CD58: variants seen among roughly 807,000 people sequenced by gnomAD.
CD58 encodes the protein lymphocyte function-associated antigen 3.
In CD58, 14 loss-of-function variants were observed where a neutral mutation model predicts 27.6. The ratio of observed to expected loss-of-function variants is 0.51; its 90% CI spans 0.34 to 0.79. The LOEUF is 0.79. Among genes scored for constraint, CD58 ranks in the 30% least tolerant of loss-of-function variants. CD58 has a pLI of 0.02. For missense variants in CD58, 268 were observed against 301.7 expected (o/e 0.89, Z 0.83); for synonymous variants, 117 against 103.8 (o/e 1.13, Z -0.77).
At position 116,571,007 on chromosome 1, in the gene CD58, C is replaced by T. The variant is rs768609169; in HGVS notation, c.-35G>A. On this transcript the variant is annotated 5_prime_UTR_variant, in exon 1 of 6. Transcript: ENST00000369489. ...GGCCGGCCTCTGCGCGAGTGCCCAG[C>T]CACAAGCAGCCCTAAGTTCAAGCAC... 2 of 1,516,398 alleles carry T rather than the reference C, an allele frequency of 1.3e-6. No homozygotes were observed. Among genetic ancestry groups the T allele is most frequent in the African/African-American group, 1.4e-5 (1 of 71,498 alleles). 93.9% of individuals were successfully genotyped at this position (1,516,398 alleles called of 1,614,324 possible).
At chr1:116,548,638 A>G (rs1658278004) in intron 1 of CD58, among the ~76,000 whole-genome samples, 2 of 152,176 alleles carry the variant, frequency 1.3e-5, no homozygotes, top group South Asian at 4.1e-4. Context: ...GTAGGCTATT[A>G]GCAGTTAAGT....
intron 1 of CD58, among the ~76,000 whole-genome samples, chr1:116,551,784 G>C (rs145424333): frequency 7.2e-6 from 1 of 138,372 alleles, no homozygotes; most frequent in Non-Finnish European, 1.5e-5. Flanking sequence ...TTGTAGCCCA[G>C]ACTGGAGTGC....
Position 116,532,946 on chromosome 1 carries a change from T to C in CD58, c.628+3019A>G. ...GCCCACCTCCACTTCCTACTGCTGCTTGCATTCCGCCGGCTGGCTGGGTTC... is the reference window on the plus strand; with the variant it reads ...GCCCACCTCCACTTCCTACTGCTGCCTGCATTCCGCCGGCTGGCTGGGTTC... On this transcript the variant is annotated intron_variant, in intron 3 of 5. Coordinates refer to ENST00000369489, the MANE Select transcript of CD58 (RefSeq NM_001779.3). The surrounding 1 kb of genome is among the most constrained non-coding windows in gnomAD (Gnocchi z 5.1). 1 of 1,070,608 alleles carries C rather than the reference T, an allele frequency of 9.3e-7. No homozygotes were observed. The highest frequency in any genetic ancestry group is 1.6e-5 in the African/African-American group (1 of 63,904). 66.3% of individuals were successfully genotyped at this position (1,070,608 alleles called of 1,614,324 possible).
At position 116,522,498 on chromosome 1, in the gene CD58, G is replaced by A. The variant is rs1206241105; in HGVS notation, c.629-515C>T. Among the ~76,000 whole-genome samples the A allele has an allele frequency of 6.6e-6, 1 of 152,122 alleles. No homozygotes were observed. The highest frequency in any genetic ancestry group is 2.4e-5 in the African/African-American group (1 of 41,406). ...ATATATTAAGGTTTATTTAAACAGA[G>A]ACACACATAAAACAAGGTTATAAAC... On this transcript the variant is annotated intron_variant, in intron 3 of 5. Transcript: ENST00000369489. This position sits in a 1 kb window ranked among gnomAD's most constrained non-coding sequence, Gnocchi z 4.6.
intron 1 of CD58, among the ~76,000 whole-genome samples, chr1:116,568,055 C>CAAAAAAAA (rs34531651): frequency 3.7e-5 from 3 of 81,700 alleles, no homozygotes; most frequent in Non-Finnish European, 5.0e-5. Context: ...CTTAAAGTAC[C>CAAAAAAAA]AAAAAAAAAA....
chr1:116,561,019 A>G (rs1658733039), intron 1 of CD58, among the ~76,000 whole-genome samples: 1 of 152,242 alleles, frequency 6.6e-6, no homozygotes, highest in African/African-American at 2.4e-5. Flanking sequence ...ACTTGTGCAG[A>G]AACAGCATGA....
At position 116,514,764 on chromosome 1, in the gene CD58, GT is replaced by G; in HGVS notation, c.*48del. On this transcript the variant is annotated 3_prime_UTR_variant, in exon 6 of 6. Transcript: ENST00000369489. ...AAATGAGAAATCAGATGGCTTTTTA[GT>G]TTTTAAAATAATTTAGTTATGCTGT... The G allele has an allele frequency of 7.7e-7, 1 of 1,291,612 alleles. No homozygotes were observed. The highest frequency in any genetic ancestry group is 1.1e-6 in the Non-Finnish European group (1 of 909,078). 80.0% of individuals were successfully genotyped at this position (1,291,612 alleles called of 1,614,324 possible). A position where few individuals can be genotyped will look rare whatever the true frequency, so the allele number is the denominator to read the frequency against.
In CD58 at chr1:116,550,638, T is replaced by A. The variant is rs886206764; in HGVS notation, c.71-6034A>T. Reference sequence around the variant, plus strand: ...TTGGAATCAAATTCTTCCAAACTCCTGTTAATGTTGATATTTTGATCTTCT... The same window carrying A: ...TTGGAATCAAATTCTTCCAAACTCCAGTTAATGTTGATATTTTGATCTTCT... On this transcript the variant is annotated intron_variant, in intron 1 of 5. Transcript: ENST00000369489. The surrounding 1 kb of genome is among the most constrained non-coding windows in gnomAD (Gnocchi z 4.2). Among the ~76,000 whole-genome samples the A allele has an allele frequency of 1.4e-4, 22 of 152,208 alleles. No homozygotes were observed. Among genetic ancestry groups the A allele is most frequent in the African/African-American group, 5.3e-4 (22 of 41,444 alleles).
chr1:116,529,405 C>G (rs1657526539), intron 3 of CD58, among the ~76,000 whole-genome samples: 1 of 152,218 alleles, frequency 6.6e-6, no homozygotes, highest in Non-Finnish European at 1.5e-5. Flanking sequence ...TTCCATCTCC[C>G]AATGCCTTGG....
In CD58 at chr1:116,515,893, T is replaced by C. The variant is rs554332139; in HGVS notation, c.744-1071A>G. ...CAGATGTCTGCTATCTACTCATCTGTCCTCTGTTGTTCCTAATTGGGTTTA... is the reference window on the plus strand; with the variant it reads ...CAGATGTCTGCTATCTACTCATCTGCCCTCTGTTGTTCCTAATTGGGTTTA... On this transcript the variant is annotated intron_variant, in intron 5 of 5. Coordinates refer to ENST00000369489, the MANE Select transcript of CD58 (RefSeq NM_001779.3). This position sits in a 1 kb window ranked among gnomAD's most constrained non-coding sequence, Gnocchi z 4.6. 6.6e-6 allele frequency among the ~76,000 whole-genome samples: 1 copy of C among 152,260 alleles called. No homozygotes were observed. Among genetic ancestry groups the C allele is most frequent in the African/African-American group, 2.4e-5 (1 of 41,540 alleles).
rs554013692 is a variant in CD58 at position 116,563,359 on chromosome 1, C to T, written c.70+7544G>A. Reference sequence around the variant, plus strand: ...TTTCCAGGTACACGGTGCAAGCTCTCGGTGGATCTACCATTCCGGGGTCTG... The same window carrying T: ...TTTCCAGGTACACGGTGCAAGCTCTTGGTGGATCTACCATTCCGGGGTCTG... On this transcript the variant is annotated intron_variant, in intron 1 of 5. Coordinates refer to ENST00000369489, the MANE Select transcript of CD58 (RefSeq NM_001779.3). This position sits in a 1 kb window ranked among gnomAD's most constrained non-coding sequence, Gnocchi z 4.1. Among the ~76,000 whole-genome samples the T allele has an allele frequency of 2.0e-5, 3 of 152,130 alleles. No homozygotes were observed. Among genetic ancestry groups the T allele is most frequent in the South Asian group, 2.1e-4 (1 of 4,796 alleles).
chr1:116,548,853 T>TATA (rs1355550961), intron 1 of CD58, among the ~76,000 whole-genome samples: 7 of 152,236 alleles, frequency 4.6e-5, no homozygotes, highest in Non-Finnish European at 2.9e-5. Flanking sequence ...TACTCTCTGC[T>TATA]GGTTATATGT....
In CD58 at chr1:116,516,946, C is replaced by G. The variant is rs1470902385; in HGVS notation, c.744-2124G>C. Among the ~76,000 whole-genome samples the G allele has an allele frequency of 6.6e-6, 1 of 152,176 alleles. No individual in the cohort carries two copies. The highest frequency in any genetic ancestry group is 1.5e-5 in the Non-Finnish European group (1 of 68,026). On this transcript the variant is annotated intron_variant, in intron 5 of 5. Coordinates refer to ENST00000369489, the MANE Select transcript of CD58 (RefSeq NM_001779.3). The surrounding 1 kb of genome is among the most constrained non-coding windows in gnomAD (Gnocchi z 6.1). Reference sequence around the variant, plus strand: ...TAGCCTCGCTGGGTACTCTGACCCCCACCCTATCAGCTAGCACAGTGCCTG... The same window carrying G: ...TAGCCTCGCTGGGTACTCTGACCCCGACCCTATCAGCTAGCACAGTGCCTG...
At chr1:116,535,623 C>G (rs1657770000) in intron 3 of CD58, among the ~76,000 whole-genome samples, 1 of 139,250 alleles carries the variant, frequency 7.2e-6, no homozygotes, top group Non-Finnish European at 1.5e-5. Context: ...GGGCGGATCA[C>G]GAGGTCAGGA....
rs911116901 is a variant in CD58 at position 116,570,449 on chromosome 1, G to C, written c.70+454C>G. ...GGCGGACGCCGCGCGGGCGGGGACG[G>C]CACCGCGCGGGGAGGGCAGCAGGCG... On this transcript the variant is annotated intron_variant, in intron 1 of 5. Transcript: ENST00000369489. This position sits in a 1 kb window ranked among gnomAD's most constrained non-coding sequence, Gnocchi z 6.4. Among the ~76,000 whole-genome samples, 2 of 152,076 alleles carry C rather than the reference G, an allele frequency of 1.3e-5. No individual in the cohort carries two copies. Among genetic ancestry groups the C allele is most frequent in the Non-Finnish European group, 2.9e-5 (2 of 67,980 alleles).
In CD58 at chr1:116,522,116, C is replaced by T. The variant is rs766218570; in HGVS notation, c.629-133G>A. On this transcript the variant is annotated intron_variant, in intron 3 of 5. Coordinates refer to ENST00000369489, the MANE Select transcript of CD58 (RefSeq NM_001779.3). This position sits in a 1 kb window ranked among gnomAD's most constrained non-coding sequence, Gnocchi z 4.6. ...GTAATCCACAAATCAATACCCAAAG[C>T]AGTCATTCTCAGACATAAGAACAGT... 5.6e-5 allele frequency: 32 copies of T among 573,054 alleles called. 1 individual carries two copies. In the South Asian group the frequency reaches 7.0e-4, roughly 13 times the overall value. 35.5% of individuals were successfully genotyped at this position (573,054 alleles called of 1,614,324 possible).
rs1266104209 is a variant in CD58 at position 116,517,766 on chromosome 1, G to A, written c.743+1465C>T. Among the ~76,000 whole-genome samples, 3 of 152,154 alleles carry A rather than the reference G, an allele frequency of 2.0e-5. No homozygotes were observed. Among genetic ancestry groups the A allele is most frequent in the African/African-American group, 7.2e-5 (3 of 41,434 alleles). Reference sequence around the variant, plus strand: ...TCACGGCATCAATTACTGTCCAGATGAAGAGGCGCCCCAATCCGTAACTCT... The same window carrying A: ...TCACGGCATCAATTACTGTCCAGATAAAGAGGCGCCCCAATCCGTAACTCT... On this transcript the variant is annotated intron_variant, in intron 5 of 5. Transcript: ENST00000369489. This position sits in a 1 kb window ranked among gnomAD's most constrained non-coding sequence, Gnocchi z 6.5.
At chr1:116,553,763 A>G (rs1187807125) in intron 1 of CD58, among the ~76,000 whole-genome samples, 1 of 152,218 alleles carries the variant, frequency 6.6e-6, no homozygotes, top group Non-Finnish European at 1.5e-5. Flanking sequence ...AGTGGCTCCA[A>G]TGGAGGCCAT....
intron 1 of CD58, among the ~76,000 whole-genome samples, chr1:116,565,779 T>G (rs2101233198): frequency 6.6e-6 from 1 of 151,064 alleles, no homozygotes; most frequent in South Asian, 2.1e-4. Context: ...TGGAGTGCAG[T>G]GTTGTAATCT....
Sources: allele counts gnomAD v4.1 joint callset (sites outside exome capture counted in the v4.1 genomes callset), GRCh38; gene constraint gnomAD v4.1.1; non-coding constraint Gnocchi (gnomAD v3.1); transcripts MANE v1.5; gene names NCBI Gene and HGNC (gene_info 2026-07-23, HGNC 2026-07-21).